SVOP: variants seen among roughly 807,000 people sequenced by gnomAD.
The protein encoded by SVOP is synaptic vesicle 2-related protein.
Under a neutral mutation model 69.1 loss-of-function variants are expected in SVOP, and 17 were observed. The observed-to-expected ratio is 0.25, with a 90% CI of 0.17 to 0.37. The LOEUF is 0.37. Among genes scored for constraint, SVOP ranks in the 10% least tolerant of loss-of-function variants. The pLI is 1.00. For missense variants in SVOP, 435 were observed against 597.5 expected (o/e 0.73, Z 2.84); for synonymous variants, 238 against 238.6 (o/e 1.00, Z 0.02).
intron 12 of SVOP, among the ~76,000 whole-genome samples, chr12:108,922,155 C>A (rs2039752116): frequency 6.6e-6 from 1 of 152,188 alleles, no homozygotes; most frequent in African/African-American, 2.4e-5. Flanking sequence ...GTTTGTACAG[C>A]AAACAACCTT....
chr12:108,941,913 C>A (rs1183238601), intron 7 of SVOP, among the ~76,000 whole-genome samples: 1 of 152,144 alleles, frequency 6.6e-6, no homozygotes, highest in Non-Finnish European at 1.5e-5. Flanking sequence ...GATCCACCCC[C>A]CTCGGCCTCC....
rs142782089 is a variant in SVOP at position 108,967,805 on chromosome 12, G to T, written c.453+4600C>A. On this transcript the variant is annotated intron_variant, in intron 5 of 15. Coordinates refer to ENST00000610966, the MANE Select transcript of SVOP (RefSeq NM_018711.5). ...ACAATCAAAAATGTCTCTAGACATT[G>T]CCAAGTGCCCCTAGCCCTGAACTGA... 2.9e-3 allele frequency among the ~76,000 whole-genome samples: 440 copies of T among 152,268 alleles called. 3 individuals carry two copies. The highest frequency in any genetic ancestry group is 0.01 in the African/African-American group (421 of 41,558).
At chr12:108,981,597 A>T (rs2040135571) in intron 2 of SVOP, among the ~76,000 whole-genome samples, 1 of 152,190 alleles carries the variant, frequency 6.6e-6, no homozygotes, top group Admixed American at 6.5e-5. Context: ...GTAAATCCAA[A>T]TTGGCTAATT....
chr12:108,997,674 C>A (rs2040243879), intron 1 of SVOP, among the ~76,000 whole-genome samples: 1 of 151,508 alleles, frequency 6.6e-6, no homozygotes, highest in Admixed American at 6.6e-5. Context: ...AGCAGCCTAA[C>A]TGGGAGGCAC....
chr12:108,932,335 A>C (rs2137399516), intron 11 of SVOP, among the ~76,000 whole-genome samples: 1 of 152,176 alleles, frequency 6.6e-6, no homozygotes, highest in South Asian at 2.1e-4. Context: ...AACCTATATT[A>C]CATTTTCACC....
intron 2 of SVOP, among the ~76,000 whole-genome samples, chr12:108,983,286 C>CCAT (rs1279586234): frequency 0.33 from 49,582 of 150,356 alleles, 8,585 homozygotes; most frequent in African/African-American, 0.44. Flanking sequence ...ATGATCATCA[C>CCAT]CATCATCATT....
chr12:108,979,680 G>A (rs1277220338), intron 2 of SVOP, among the ~76,000 whole-genome samples: 2 of 152,194 alleles, frequency 1.3e-5, no homozygotes, highest in Admixed American at 6.6e-5. Flanking sequence ...ATATACGTGT[G>A]TGTGTGCCAA....
chr12:108,936,051 C>T (rs2039854550), intron 10 of SVOP, among the ~76,000 whole-genome samples: 1 of 151,854 alleles, frequency 6.6e-6, no homozygotes, highest in Admixed American at 6.6e-5. Context: ...CACACACACA[C>T]ACATGTATTT....
chr12:108,954,588 C>T (rs1396963571), intron 6 of SVOP, among the ~76,000 whole-genome samples: 6 of 152,176 alleles, frequency 3.9e-5, no homozygotes, highest in South Asian at 2.1e-4. Flanking sequence ...TTTGTAGTCC[C>T]GCCCCTTTGC....
chr12:109,007,463 G>A (rs1478083735), intron 1 of SVOP, among the ~76,000 whole-genome samples: 1 of 152,158 alleles, frequency 6.6e-6, no homozygotes. Context: ...TAACAGCAGA[G>A]CTTGAACTTC....
intron 6 of SVOP, among the ~76,000 whole-genome samples, chr12:108,948,940 A>G (rs935222112): frequency 2.1e-4 from 32 of 152,220 alleles, no homozygotes; most frequent in African/African-American, 5.8e-4. Flanking sequence ...ATCAATAATA[A>G]TACCATGTTT....
At chr12:108,972,939 G>A (rs887373238) in intron 4 of SVOP, among the ~76,000 whole-genome samples, 1 of 152,216 alleles carries the variant, frequency 6.6e-6, no homozygotes, top group Admixed American at 6.5e-5. Context: ...TTGTGTGGGA[G>A]GCCAAGTCAT....
chr12:108,931,009 T>C (rs1173674833), intron 11 of SVOP, among the ~76,000 whole-genome samples: 20 of 152,182 alleles, frequency 1.3e-4, no homozygotes, highest in Admixed American at 1.2e-3. Context: ...CTAACCCCTG[T>C]TTTACGACAT....
chr12:108,948,847 T>A (rs889391920), intron 6 of SVOP, among the ~76,000 whole-genome samples: 2 of 152,244 alleles, frequency 1.3e-5, no homozygotes, highest in Non-Finnish European at 2.9e-5. Context: ...TTATAGTGGT[T>A]GCTAAAGATT....
intron 9 of SVOP, 128 bp downstream of exon 9, chr12:108,938,699 G>C: frequency 6.8e-7 from 1 of 1,469,036 alleles, no homozygotes; most frequent in Non-Finnish European, 9.3e-7. Flanking sequence ...CCATGTGCAC[G>C]CACACACCCC....
chr12:108,938,603 A>T (rs1377419766), intron 9 of SVOP, among the ~76,000 whole-genome samples: 1 of 152,228 alleles, frequency 6.6e-6, no homozygotes, highest in East Asian at 1.9e-4. Context: ...TTCTCCAGGA[A>T]GCATTTTTAG....
chr12:109,009,587 A>AT (rs1050945009), intron 1 of SVOP, among the ~76,000 whole-genome samples: 4 of 151,452 alleles, frequency 2.6e-5, no homozygotes, highest in African/African-American at 7.3e-5. Context: ...TAATTTTTGT[A>AT]TTTTTTTAGT....
chr12:108,987,820 T>G (rs1412717598), intron 1 of SVOP, among the ~76,000 whole-genome samples: 1 of 152,246 alleles, frequency 6.6e-6, no homozygotes, highest in Non-Finnish European at 1.5e-5. Context: ...TTCTGTATTC[T>G]GGATATAGAT....
chr12:108,911,044 G>A lies in SVOP; in HGVS notation c.*1491C>T, dbSNP rs898554255. On this transcript the variant is annotated 3_prime_UTR_variant, in exon 16 of 16. Coordinates refer to ENST00000610966, the MANE Select transcript of SVOP (RefSeq NM_018711.5). ...CCCTGCCTTCACCATGGGAAAAAAG[G>A]CTCCAGTAAACCAAATCCCAGAAGT... The A allele has an allele frequency of 6.6e-6, 1 of 152,164 alleles. No homozygotes were observed. The highest frequency in any genetic ancestry group is 2.4e-5 in the African/African-American group (1 of 41,418). 9.4% of individuals were successfully genotyped at this position (152,164 alleles called of 1,614,324 possible). A position where few individuals can be genotyped will look rare whatever the true frequency, so the allele number is the denominator to read the frequency against.
Sources: allele counts gnomAD v4.1 joint callset (sites outside exome capture counted in the v4.1 genomes callset), GRCh38; gene constraint gnomAD v4.1.1; transcripts MANE v1.5; gene names NCBI Gene and HGNC (gene_info 2026-07-23, HGNC 2026-07-21).